SULF1: variants seen among roughly 807,000 people sequenced by gnomAD.
SULF1 encodes the protein sulfatase 1.
Under a neutral mutation model 110.5 loss-of-function variants are expected in SULF1, and 46 were observed. That is an observed-to-expected ratio of 0.42 (90% CI 0.33 to 0.53). The LOEUF (loss-of-function observed/expected upper bound fraction) is 0.53. SULF1 is among the 20% of genes least tolerant of loss of function. The pLI, the probability that SULF1 is intolerant of heterozygous loss-of-function variation, is 0.12. For synonymous variants in SULF1, 371 were observed against 387.1 expected (o/e 0.96, Z 0.49); for missense variants, 941 against 1,094.2 (o/e 0.86, Z 1.98).
rs551073821 is a variant in SULF1 at position 69,482,120 on chromosome 8, A to G, written c.-390-13645A>G. On this transcript the variant is annotated intron_variant, in intron 1 of 22. Coordinates refer to the SULF1 transcript ENST00000260128. ...AAATGAGAAAGAGCACCAAGAAAAG[A>G]TGTAAGTCCTTGCAGGAGGAATGCA... Among the ~76,000 whole-genome samples, 10 of 152,310 alleles carry G rather than the reference A, an allele frequency of 6.6e-5. 1 individual carries two copies. The highest frequency in any genetic ancestry group is 2.2e-4 in the African/African-American group (9 of 41,572).
intron 1 of SULF1, among the ~76,000 whole-genome samples, chr8:69,475,502 A>G (rs1008214267): frequency 6.6e-6 from 1 of 152,134 alleles, no homozygotes; most frequent in African/African-American, 2.4e-5. Flanking sequence ...ATAAATAACA[A>G]TAATGCAACT....
Position 69,589,026 on chromosome 8 carries a change from A to G in SULF1, c.619A>G (p.Lys207Glu). ...GAGCATTAATTACTTCAAAATGTCT[A>G]AGAGAATGTATCCCCATAGGCCCGT... ...NESINYFKMS[K>E]RMYPHRPVMM... The change falls in exon 8 of 23, where the codon AAG (lysine) becomes GAG (glutamate). Residue 207 changes from lysine to glutamate, a missense_variant. Lys to Glu is a moderately conservative substitution (Grantham distance 56, BLOSUM62 1). This residue lies in a region of SULF1 where 822 missense variants were observed against 934.3 expected (regional missense o/e 0.88). Transcript: ENST00000402687. 6.2e-7 allele frequency: 1 copy of G among 1,614,202 alleles called. No homozygotes were observed. Among genetic ancestry groups the G allele is most frequent in the South Asian group, 1.1e-5 (1 of 91,084 alleles).
intron 2 of SULF1, among the ~76,000 whole-genome samples, chr8:69,500,439 G>T (rs1028097761): frequency 2.0e-5 from 3 of 152,166 alleles, no homozygotes; most frequent in African/African-American, 7.2e-5. Flanking sequence ...AGACTCAGCT[G>T]CCCGGTAGCA....
At chr8:69,636,196 G>A (rs1443067836) in intron 19 of SULF1, among the ~76,000 whole-genome samples, 3 of 152,098 alleles carry the variant, frequency 2.0e-5, no homozygotes, top group African/African-American at 4.8e-5. Context: ...TACACCCAAC[G>A]CATTTTCGCC....
intron 2 of SULF1, among the ~76,000 whole-genome samples, chr8:69,497,161 T>C (rs1810421754): frequency 6.7e-6 from 1 of 148,690 alleles, no homozygotes; most frequent in Non-Finnish European, 1.5e-5. Flanking sequence ...TTCTCTTTTT[T>C]TTTTTTTTTT....
In SULF1 at chr8:69,649,482, C is replaced by T. The variant is rs116576013; in HGVS notation, c.2585+8641C>T. Among the ~76,000 whole-genome samples the T allele has an allele frequency of 2.7e-3, 414 of 152,270 alleles. 2 individuals carry two copies. The highest frequency in any genetic ancestry group is 9.5e-3 in the African/African-American group (396 of 41,554). On this transcript the variant is annotated intron_variant, in intron 22 of 22. Coordinates refer to ENST00000402687, the MANE Select transcript of SULF1 (RefSeq NM_001128205.2). Reference sequence around the variant, plus strand: ...TCATGTTCAAATGTTAACAATTGTCCCAATAATGCCATATTCATCATTTTT... The same window carrying T: ...TCATGTTCAAATGTTAACAATTGTCTCAATAATGCCATATTCATCATTTTT...
intron 22 of SULF1, among the ~76,000 whole-genome samples, chr8:69,647,213 G>T (rs1811986394): frequency 6.6e-6 from 1 of 151,474 alleles, no homozygotes; most frequent in Non-Finnish European, 1.5e-5. Flanking sequence ...AAAGTGCTGA[G>T]ATTACAGGTA....
At chr8:69,610,513 A>T (rs374779971) in intron 13 of SULF1, among the ~76,000 whole-genome samples, 15 of 152,306 alleles carry the variant, frequency 9.8e-5, no homozygotes, top group African/African-American at 3.6e-4. Flanking sequence ...GCACATCCAG[A>T]AGGATTGAGC....
chr8:69,554,974 A>G (rs13267881), intron 3 of SULF1, among the ~76,000 whole-genome samples: 73,704 of 118,052 alleles, frequency 0.62, 23,609 homozygotes, highest in African/African-American at 0.88. Context: ...GCGAGATTCC[A>G]TCTCAAAAAA....
intron 3 of SULF1, among the ~76,000 whole-genome samples, chr8:69,547,514 T>C (rs1814353903): frequency 6.6e-6 from 1 of 152,176 alleles, no homozygotes; most frequent in South Asian, 2.1e-4. Context: ...CGTTTGACTT[T>C]CATCTACCTT....
chr8:69,618,286 G>A (rs1809335683), intron 13 of SULF1, among the ~76,000 whole-genome samples: 1 of 152,164 alleles, frequency 6.6e-6, no homozygotes, highest in Non-Finnish European at 1.5e-5. Context: ...ACATCTGTGG[G>A]TTCAACCAAC....
chr8:69,564,018 A>G lies in SULF1; in HGVS notation c.43A>G (p.Thr15Ala), dbSNP rs770159418. 9.9e-6 allele frequency: 16 copies of G among 1,614,064 alleles called. No homozygotes were observed. The African/African-American group carries it at 1.7e-4, about 18-fold the overall frequency. Reference protein sequence around the residue: ...CCALVLAVLGTELLGSLCSTV... With the variant: ...CCALVLAVLGAELLGSLCSTV... ...TGCTCTGGTTTTGGCTGTCCTGGGC[A>G]CAGAATTGCTGGGAAGCCTCTGTTC... is the stretch of plus-strand genomic sequence containing the variant. Residue 15 changes from threonine to alanine, a missense_variant, in exon 5 of 23, where the codon ACA becomes GCA. Physicochemically the swap from Thr to Ala is moderately conservative, Grantham distance 58 (BLOSUM62 0). Transcript: ENST00000402687.
At chr8:69,593,934 T>G (rs1807093102) in intron 8 of SULF1, among the ~76,000 whole-genome samples, 1 of 152,206 alleles carries the variant, frequency 6.6e-6, no homozygotes, top group Non-Finnish European at 1.5e-5. Context: ...ACAAAAGCCG[T>G]GACAGGGAAG....
At chr8:69,517,219 G>A (rs1811986993) in intron 3 of SULF1, among the ~76,000 whole-genome samples, 1 of 152,070 alleles carries the variant, frequency 6.6e-6, no homozygotes, top group Admixed American at 6.6e-5. Context: ...GCTTTAATAG[G>A]AGCCCACTCT....
chr8:69,601,529 A>G (rs1807801624), intron 9 of SULF1, 125 bp from the exon 10 acceptor site: 1 of 768,168 alleles, frequency 1.3e-6, no homozygotes, highest in African/African-American at 1.8e-5. Context: ...GGATAATGTT[A>G]TTAAAGCAAC....
rs182237516 is a variant in SULF1, at chr8:69,621,769, G to A, written c.1594+518G>A. ...AATCATTGGATCTCGTTGATTGGCA[G>A]GGACAAACTAGTTGCATTCAGTATG... On this transcript the variant is annotated intron_variant, in intron 14 of 22. Transcript: ENST00000402687. Among the ~76,000 whole-genome samples the A allele has an allele frequency of 1.7e-4, 26 of 152,286 alleles. 2 individuals are homozygous for A. The East Asian group carries it at 4.8e-3, about 28-fold the overall frequency.
intron 6 of SULF1, among the ~76,000 whole-genome samples, chr8:69,577,372 G>GC (rs1805688841): frequency 6.6e-6 from 1 of 152,170 alleles, no homozygotes; most frequent in Non-Finnish European, 1.5e-5. Flanking sequence ...TTATAACTGA[G>GC]GTGGGGATTT....
At chr8:69,586,584 A>G in intron 7 of SULF1, 76 bp downstream of exon 7, 1 of 1,465,046 alleles carries the variant, frequency 6.8e-7, no homozygotes, top group African/African-American at 1.4e-5. Context: ...AGTGAGTTAA[A>G]CTATCCACAA....
At chr8:69,534,341 TTAAGATCAC>T (rs1219392786) in intron 3 of SULF1, among the ~76,000 whole-genome samples, 1 of 152,234 alleles carries the variant, frequency 6.6e-6, no homozygotes, top group East Asian at 1.9e-4. Context: ...AATTCTTTCA[TTAAGATCAC>T]TACATTGTGC....
Sources: allele counts gnomAD v4.1 joint callset (sites outside exome capture counted in the v4.1 genomes callset), GRCh38; gene constraint gnomAD v4.1.1; regional missense constraint gnomAD v4.1.1; transcripts MANE v1.5; gene names NCBI Gene and HGNC (gene_info 2026-07-23, HGNC 2026-07-21).